ANKFY1: variants seen among roughly 807,000 people sequenced by gnomAD.
The protein encoded by ANKFY1 is ankyrin repeat and FYVE domain-containing protein 1.
Under a neutral mutation model 128.3 loss-of-function variants are expected in ANKFY1, and 47 were observed. That is an observed-to-expected ratio of 0.37 (90% CI 0.29 to 0.47). The LOEUF (loss-of-function observed/expected upper bound fraction) is 0.47, where lower values mean the gene tolerates loss of function less well. Ranked by LOEUF, ANKFY1 falls within the 20% of genes least tolerant of loss-of-function variation. The pLI is 1.00. For missense variants in ANKFY1, 1,222 were observed against 1,510.6 expected, an observed-to-expected ratio of 0.81 and a Z score of 3.17; for synonymous variants, 553 against 601.6, an observed-to-expected ratio of 0.92 and a Z score of 1.18.
At position 4,169,354 on chromosome 17, in the gene ANKFY1, G is replaced by GC; in HGVS notation, c.3287-67_3287-66insG. On this transcript the variant is annotated intron_variant, in intron 23 of 24. Transcript: ENST00000341657. The surrounding 1 kb of genome is among the most constrained non-coding windows in gnomAD (Gnocchi z 5.0). ...CGGCGCCACGCAAGCCCCAGGGCTT[G>GC]GAGGCAGCAGGAACACAGACCCGTA... The GC allele has an allele frequency of 4.8e-6, 6 of 1,240,802 alleles. No individual in the cohort carries two copies. The highest frequency in any genetic ancestry group is 6.9e-6 in the Non-Finnish European group (6 of 871,100). 76.9% of individuals were successfully genotyped at this position (1,240,802 alleles called of 1,614,324 possible). A position where few individuals can be genotyped will look rare whatever the true frequency, so the allele number is the denominator to read the frequency against.
chr17:4,248,411 T>C (rs1255345768), intron 1 of ANKFY1, among the ~76,000 whole-genome samples: 1 of 152,234 alleles, frequency 6.6e-6, no homozygotes, highest in Non-Finnish European at 1.5e-5. Context: ...ATCCTGAAAC[T>C]ACTCCCTTCC....
chr17:4,203,304 T>G (rs2059965776), intron 7 of ANKFY1, among the ~76,000 whole-genome samples: 1 of 152,216 alleles, frequency 6.6e-6, no homozygotes, highest in African/African-American at 2.4e-5. Flanking sequence ...AAATGAGGCA[T>G]GACTATTGAC....
intron 23 of ANKFY1, 48 bp downstream of exon 23, chr17:4,170,667 A>G (rs779851898): frequency 2.6e-6 from 4 of 1,563,408 alleles, no homozygotes; most frequent in Non-Finnish European, 3.5e-6. Flanking sequence ...GGCGATCCCA[A>G]CACTACGACT....
intron 1 of ANKFY1, among the ~76,000 whole-genome samples, chr17:4,247,895 G>A (rs1967634913): frequency 6.6e-6 from 1 of 152,120 alleles, no homozygotes; most frequent in African/African-American, 2.4e-5. Context: ...AATACAACCT[G>A]CTCTGCAGTA....
chr17:4,221,984 G>C (rs1448438741), intron 3 of ANKFY1: 1 of 152,246 alleles, frequency 6.6e-6, no homozygotes, highest in Non-Finnish European at 1.5e-5. Flanking sequence ...TGCCGCCAAG[G>C]AGGTGGCGGC....
In ANKFY1 at chr17:4,181,300, C is replaced by T; in HGVS notation, c.2194G>A (p.Ala732Thr). 6.2e-6 allele frequency: 10 copies of T among 1,614,128 alleles called. No individual in the cohort carries two copies. Among genetic ancestry groups the T allele is most frequent in the Non-Finnish European group, 8.5e-6 (10 of 1,179,996 alleles). ...GGCLQTLLHR[A>T]IDENNEPTAC... is the part of the protein sequence containing the mutation. ...GTGGGCTCGTTGTTTTCATCAATGG[C>T]TCTGTGCAGGAGCGTCTGAAGGCAC... The change falls in exon 16 of 25, where the codon GCC (alanine) becomes ACC (threonine). Residue 732 changes from alanine (A) to threonine (T), a missense_variant. Transcript: ENST00000341657. The surrounding 1 kb of genome is among the most constrained non-coding windows in gnomAD (Gnocchi z 4.9).
At chr17:4,179,975 C>T in intron 16 of ANKFY1, 98 bp from the exon 17 acceptor site, 1 of 1,475,384 alleles carries the variant, frequency 6.8e-7, no homozygotes, top group Middle Eastern at 1.9e-4. Context: ...TCCAATCCAA[C>T]AGCGTCTGCT....
rs917484046 is a variant in ANKFY1 at position 4,223,641 on chromosome 17, A to G, written c.323-6523T>C. ...ACTCTGGGCCAGACGCCCTACATGG[A>G]CACTGACCCCTTCGAGATGGCCGCA... On this transcript the variant is annotated intron_variant, in intron 3 of 24. Transcript: ENST00000341657. 7.7e-6 allele frequency: 12 copies of G among 1,564,024 alleles called. No individual in the cohort carries two copies. The Admixed American group carries it at 2.0e-4, about 26-fold the overall frequency.
intron 4 of ANKFY1, among the ~76,000 whole-genome samples, chr17:4,212,565 G>A (rs1440365077): frequency 6.6e-6 from 1 of 152,058 alleles, no homozygotes; most frequent in East Asian, 1.9e-4. Flanking sequence ...CCTTTACTAA[G>A]GAAAAATCAC....
intron 3 of ANKFY1, chr17:4,222,651 GA>G: frequency 1.1e-6 from 1 of 939,778 alleles, no homozygotes; most frequent in Non-Finnish European, 1.7e-6. Context: ...TTAAACCAAG[GA>G]AAATGTGCAC....
intron 2 of ANKFY1, among the ~76,000 whole-genome samples, chr17:4,238,590 C>G (rs143537555): frequency 6.6e-6 from 1 of 152,128 alleles, no homozygotes; most frequent in East Asian, 1.9e-4. Context: ...TCTCCTGCCT[C>G]GGCCTGCTGA....
In ANKFY1 at chr17:4,206,979, C is replaced by G. The variant is rs181786075; in HGVS notation, c.733-493G>C. The stretch of plus-strand genomic sequence containing the variant: ...ATGGTGGGCAGAATTATCACCCCCC[C>G]CAAAGACGGACATGTCCTAATCCCC... On this transcript the variant is annotated intron_variant, in intron 6 of 24. Coordinates refer to ENST00000341657, the MANE Select transcript of ANKFY1 (RefSeq NM_001330063.2). Among the ~76,000 whole-genome samples the G allele has an allele frequency of 2.8e-4, 42 of 152,298 alleles. No homozygotes were observed. In the South Asian group the frequency reaches 5.4e-3, roughly 20 times the overall value.
rs372354527 is a variant in ANKFY1, at chr17:4,177,096, T to A, written c.2775+30A>T. ...TCTACAATATGCTTTGACAACATAT[T>A]ATTACATGCAATACTTCTGTGTCAC... On this transcript the variant is annotated intron_variant, in intron 19 of 24. Coordinates refer to ENST00000341657, the MANE Select transcript of ANKFY1 (RefSeq NM_001330063.2). The A allele has an allele frequency of 3.1e-5, 47 of 1,531,670 alleles. No homozygotes were observed. In the Middle Eastern group the frequency reaches 8.7e-4, roughly 28 times the overall value. The allele number at this position is 1,531,670 out of a possible 1,614,324, so 94.9% of individuals were successfully genotyped here.
chr17:4,205,992 T>C (rs1438534343), intron 7 of ANKFY1, among the ~76,000 whole-genome samples: 1 of 152,224 alleles, frequency 6.6e-6, no homozygotes, highest in African/African-American at 2.4e-5. Flanking sequence ...AGCAAAACCT[T>C]CCTAGCACAA....
intron 1 of ANKFY1, among the ~76,000 whole-genome samples, chr17:4,245,501 G>C (rs1967489922): frequency 6.8e-6 from 1 of 146,990 alleles, no homozygotes; most frequent in Non-Finnish European, 1.5e-5. Flanking sequence ...ATCACACCTG[G>C]CTATAAATTT....
chr17:4,236,038 C>A, intron 2 of ANKFY1, 148 bp from the exon 3 acceptor site: 1 of 610,318 alleles, frequency 1.6e-6, no homozygotes. Flanking sequence ...TATATGCTAG[C>A]ACTGAATTCT....
intron 1 of ANKFY1, among the ~76,000 whole-genome samples, chr17:4,253,235 C>G (rs1326104399): frequency 6.6e-6 from 1 of 152,206 alleles, no homozygotes; most frequent in African/African-American, 2.4e-5. Context: ...ACAACAACAA[C>G]AACAACAAAC....
intron 3 of ANKFY1, among the ~76,000 whole-genome samples, chr17:4,224,222 T>C (rs1321406439): frequency 7.7e-6 from 1 of 130,654 alleles, no homozygotes; most frequent in African/African-American, 2.9e-5. Context: ...AAGTTTTTTT[T>C]TTTTTTTTTT....
intron 2 of ANKFY1, among the ~76,000 whole-genome samples, chr17:4,237,340 C>T (rs573468193): frequency 2.0e-5 from 3 of 152,212 alleles, no homozygotes; most frequent in African/African-American, 4.8e-5. Flanking sequence ...CAAATTATTA[C>T]AAACTGCTGT....
Sources: allele counts gnomAD v4.1 joint callset (sites outside exome capture counted in the v4.1 genomes callset), GRCh38; gene constraint gnomAD v4.1.1; non-coding constraint Gnocchi (gnomAD v3.1); transcripts MANE v1.5; gene names NCBI Gene and HGNC (gene_info 2026-07-23, HGNC 2026-07-21).